Variants in FGGY observed in about 807,000 individuals in gnomAD.
FGGY encodes the protein FGGY carbohydrate kinase domain-containing protein.
Under a neutral mutation model 71.3 loss-of-function variants are expected in FGGY, and 72 were observed. The observed-to-expected ratio is 1.01, with a 90% CI of 0.84 to 1.23. The LOEUF (loss-of-function observed/expected upper bound fraction) is 1.23. Among genes scored for constraint, FGGY ranks in the 50% most tolerant of loss-of-function variants. The probability of loss-of-function intolerance (pLI) is 0.00; values close to 1 mark genes in which losing one functional copy is unlikely to be tolerated. For missense variants in FGGY, 668 were observed against 682.3 expected, an observed-to-expected ratio of 0.98 and a Z score of 0.23; for synonymous variants, 251 against 250.3, an observed-to-expected ratio of 1.00 and a Z score of -0.02.
chr1:59,479,760 A>G (rs2093403583), intron 6 of FGGY, among the ~76,000 whole-genome samples: 1 of 152,214 alleles, frequency 6.6e-6, no homozygotes, highest in South Asian at 2.1e-4. Flanking sequence ...AGGATTATCA[A>G]ACGGTACACA....
intron 5 of FGGY, among the ~76,000 whole-genome samples, chr1:59,396,439 T>A (rs1029443810): frequency 6.6e-6 from 1 of 152,106 alleles, no homozygotes; most frequent in Non-Finnish European, 1.5e-5. Context: ...TCAGGAAATT[T>A]AAAAAATATA....
chr1:59,380,777 C>G (rs199666497), intron 5 of FGGY, among the ~76,000 whole-genome samples: 10,513 of 151,356 alleles, frequency 0.069, 605 homozygotes, highest in African/African-American at 0.097. Context: ...CTTTTGCTGT[C>G]CAGAAGCTCT....
intron 14 of FGGY, among the ~76,000 whole-genome samples, chr1:59,713,659 T>G (rs1423336787): frequency 1.3e-5 from 2 of 152,238 alleles, no homozygotes; most frequent in African/African-American, 4.8e-5. Flanking sequence ...TTTAAAGTCC[T>G]TATATAATCA....
chr1:59,660,501 T>C (rs2097264679), intron 12 of FGGY: 1 of 404,190 alleles, frequency 2.5e-6, no homozygotes, highest in African/African-American at 2.1e-5. Context: ...AACAAAAAGC[T>C]GAAAGGAGTT....
intron 6 of FGGY, among the ~76,000 whole-genome samples, chr1:59,469,582 G>A (rs1311835511): frequency 6.6e-6 from 1 of 152,080 alleles, no homozygotes; most frequent in Non-Finnish European, 1.5e-5. Flanking sequence ...AATATGCTGA[G>A]CTTTTATTCA....
chr1:59,675,696 C>T (rs74906334), intron 14 of FGGY, among the ~76,000 whole-genome samples: 2,295 of 152,246 alleles, frequency 0.015, 66 homozygotes, highest in African/African-American at 0.053. Flanking sequence ...TATCAGCTGA[C>T]GGAGATGTTC....
At chr1:59,334,950 C>T (rs1171184802) in intron 2 of FGGY, among the ~76,000 whole-genome samples, 3 of 152,118 alleles carry the variant, frequency 2.0e-5, no homozygotes, top group Non-Finnish European at 4.4e-5. Flanking sequence ...CCTGCAGTTC[C>T]ACCCTCAGGA....
intron 14 of FGGY, among the ~76,000 whole-genome samples, chr1:59,738,308 G>C (rs2098121956): frequency 6.6e-6 from 1 of 152,302 alleles, no homozygotes; most frequent in Admixed American, 6.5e-5. Context: ...CATATGGAAG[G>C]AATCAGCAAA....
At chr1:59,335,307 G>C (rs563092988) in intron 2 of FGGY, among the ~76,000 whole-genome samples, 1 of 152,080 alleles carries the variant, frequency 6.6e-6, no homozygotes, top group Admixed American at 6.6e-5. Flanking sequence ...ATCACATAGC[G>C]TGCTTTCTTT....
chr1:59,624,691 A>G (rs1011068535), intron 9 of FGGY, among the ~76,000 whole-genome samples: 3 of 152,164 alleles, frequency 2.0e-5, no homozygotes, highest in African/African-American at 7.2e-5. Context: ...AATGAGAGCC[A>G]AGTAAAACAG....
intron 6 of FGGY, among the ~76,000 whole-genome samples, chr1:59,503,594 CATATATATAT>C (rs71046332): frequency 6.3e-5 from 8 of 127,698 alleles, no homozygotes; most frequent in African/African-American, 2.5e-4. Flanking sequence ...GTGGTGTCGC[CATATATATAT>C]ATATATATAT....
intron 7 of FGGY, among the ~76,000 whole-genome samples, chr1:59,530,044 C>G (rs190041992): frequency 3.1e-4 from 47 of 152,100 alleles, no homozygotes; most frequent in Non-Finnish European, 6.6e-4. Context: ...TTGTTAACTT[C>G]AAGGCAGTCA....
intron 14 of FGGY, among the ~76,000 whole-genome samples, chr1:59,686,565 T>A (rs1334197975): frequency 7.2e-4 from 110 of 152,320 alleles, no homozygotes; most frequent in African/African-American, 2.6e-3. Flanking sequence ...AAAGATGGTC[T>A]GCTATCCTCT....
intron 6 of FGGY, among the ~76,000 whole-genome samples, chr1:59,491,053 T>TTCCTTTCCTTTCCTTCCCTCCCTC (rs1570025870): frequency 2.0e-3 from 4 of 2,038 alleles, no homozygotes; most frequent in Admixed American, 7.8e-3. Flanking sequence ...CTTCCTTCCT[T>TTCCTTTCCTTTCCTTCCCTCCCTC]CCTTCCTTCC....
At chr1:59,406,430 G>C (rs916232831) in intron 5 of FGGY, among the ~76,000 whole-genome samples, 3 of 152,124 alleles carry the variant, frequency 2.0e-5, no homozygotes. Context: ...TTGTGCAAAA[G>C]TACTGTGTAG....
At chr1:59,452,449 T>A (rs2072982020) in intron 5 of FGGY, among the ~76,000 whole-genome samples, 2 of 152,228 alleles carry the variant, frequency 1.3e-5, no homozygotes, top group Admixed American at 1.3e-4. Context: ...CAGAAAGAAT[T>A]TTTTGCATTC....
intron 4 of FGGY, among the ~76,000 whole-genome samples, chr1:59,370,312 G>A (rs2057373822): frequency 6.6e-6 from 1 of 151,948 alleles, no homozygotes; most frequent in Non-Finnish European, 1.5e-5. Flanking sequence ...GAAAGCGATG[G>A]AAGATGAAAT....
intron 11 of FGGY, among the ~76,000 whole-genome samples, chr1:59,648,928 A>C (rs1313831134): frequency 6.6e-6 from 1 of 151,712 alleles, no homozygotes; most frequent in South Asian, 2.1e-4. Flanking sequence ...ATTTTTGTAT[A>C]AGGTGTAAGG....
intron 5 of FGGY, among the ~76,000 whole-genome samples, chr1:59,400,064 C>T (rs1390695): frequency 0.033 from 4,972 of 152,262 alleles, 107 homozygotes; most frequent in South Asian, 0.074. Context: ...AAGGTGGAGT[C>T]AGCATTATAT....
Sources: gnomAD v4.1 joint callset for allele counts (sites outside exome capture counted in the v4.1 genomes callset) on GRCh38, gnomAD v4.1.1 for gene constraint, MANE v1.5 for transcripts, NCBI Gene and HGNC (gene_info 2026-07-23, HGNC 2026-07-21) for gene names.